IFNG-AS1: variants seen among roughly 807,000 people sequenced by gnomAD.
IFNG-AS1 encodes the protein IFNG antisense RNA 1 (non-protein coding).
At chr12:68,010,226 G>A (rs1407971510) in intron 3 of IFNG-AS1, among the ~76,000 whole-genome samples, 1 of 152,152 alleles carries the variant, frequency 6.6e-6, no homozygotes, top group African/African-American at 2.4e-5. Context: ...CCACTATTAA[G>A]GCACTGTCCA....
chr12:68,019,603 A>G lies in IFNG-AS1; in HGVS notation n.242-259A>G, dbSNP rs146450254. ...AGATAGTGTACATTGAACCCTAGAC[A>G]CCAGAGGGGCACCCACACTAGAGTA... On this transcript the variant is annotated intron_variant and non_coding_transcript_variant, in intron 3 of 5. Coordinates refer to ENST00000536914, the Ensembl canonical transcript of IFNG-AS1. 3.0e-4 allele frequency among the ~76,000 whole-genome samples: 46 copies of G among 152,244 alleles called. No individual in the cohort carries two copies. The East Asian group carries it at 3.9e-3, about 13-fold the overall frequency.
At chr12:68,019,176 A>G (rs560123858) in intron 3 of IFNG-AS1, among the ~76,000 whole-genome samples, 1 of 152,264 alleles carries the variant, frequency 6.6e-6, no homozygotes, top group South Asian at 2.1e-4. Context: ...TTTACAGCCA[A>G]GCAGATCTGG....
intron 1 of IFNG-AS1, among the ~76,000 whole-genome samples, chr12:67,990,253 A>C (rs1343495227): frequency 6.6e-6 from 1 of 152,246 alleles, no homozygotes; most frequent in Non-Finnish European, 1.5e-5. Context: ...TTGCTTATTA[A>C]ATTGACTTCT....
chr12:68,004,341 A>G (rs1328707147), intron 2 of IFNG-AS1, among the ~76,000 whole-genome samples: 2 of 152,116 alleles, frequency 1.3e-5, no homozygotes, highest in Non-Finnish European at 2.9e-5. Context: ...CTCTCTCCCC[A>G]GAGGATCTTC....
At chr12:68,016,937 C>A (rs1236791135) in intron 3 of IFNG-AS1, among the ~76,000 whole-genome samples, 1 of 152,188 alleles carries the variant, frequency 6.6e-6, no homozygotes, top group East Asian at 1.9e-4. Flanking sequence ...TAATCCCTAT[C>A]CTCATGGAAC....
intron 3 of IFNG-AS1, among the ~76,000 whole-genome samples, chr12:68,019,130 C>T (rs1231417168): frequency 6.6e-6 from 1 of 152,074 alleles, no homozygotes; most frequent in African/African-American, 2.4e-5. Flanking sequence ...CAAATGGACA[C>T]AACAGGAGGT....
At chr12:68,007,041 G>T (rs1329426189) in intron 3 of IFNG-AS1, among the ~76,000 whole-genome samples, 1 of 152,192 alleles carries the variant, frequency 6.6e-6, no homozygotes, top group Admixed American at 6.5e-5. Flanking sequence ...TCACATGGAA[G>T]AGTGCTTATC....
intron 3 of IFNG-AS1, among the ~76,000 whole-genome samples, chr12:68,015,995 G>C (rs1880145847): frequency 6.6e-6 from 1 of 151,916 alleles, no homozygotes; most frequent in African/African-American, 2.4e-5. Flanking sequence ...TCAAATTATT[G>C]TCTATCTCTC....
intron 3 of IFNG-AS1, among the ~76,000 whole-genome samples, chr12:68,019,206 T>C (rs1765601142): frequency 6.6e-6 from 1 of 152,172 alleles, no homozygotes; most frequent in Admixed American, 6.5e-5. Context: ...CTGACTCATT[T>C]ACTCTTTAGT....
intron 1 of IFNG-AS1, among the ~76,000 whole-genome samples, chr12:67,995,586 G>T (rs1879621289): frequency 6.6e-6 from 1 of 151,694 alleles, no homozygotes; most frequent in African/African-American, 2.4e-5. Flanking sequence ...GCCAGGCATG[G>T]TGTCATGTGC....
At chr12:68,015,608 T>A (rs1196355949) in intron 3 of IFNG-AS1, among the ~76,000 whole-genome samples, 1 of 152,126 alleles carries the variant, frequency 6.6e-6, no homozygotes. Context: ...ACCCACTACC[T>A]CACATATTGA....
At chr12:68,012,531 G>A (rs1453005820) in intron 3 of IFNG-AS1, among the ~76,000 whole-genome samples, 1 of 152,194 alleles carries the variant, frequency 6.6e-6, no homozygotes. Flanking sequence ...AGGAGCACGT[G>A]CAACCAGCTT....
intron 3 of IFNG-AS1, among the ~76,000 whole-genome samples, chr12:68,008,694 G>T (rs1217124808): frequency 6.6e-6 from 1 of 152,144 alleles, no homozygotes; most frequent in East Asian, 1.9e-4. Context: ...CCATATGCTA[G>T]GGTTTCATAG....
intron 3 of IFNG-AS1, among the ~76,000 whole-genome samples, chr12:68,013,075 T>C (rs535177453): frequency 6.5e-4 from 99 of 152,368 alleles, no homozygotes; most frequent in African/African-American, 2.4e-3. Flanking sequence ...CTTAGCTCAC[T>C]GCAATACAGA....
chr12:68,013,893 G>A (rs905466664), intron 3 of IFNG-AS1, among the ~76,000 whole-genome samples: 3 of 152,106 alleles, frequency 2.0e-5, no homozygotes, highest in East Asian at 1.9e-4. Flanking sequence ...CCCATCACCC[G>A]AGCAGTGTAC....
chr12:68,018,414 A>G (rs1170905589), intron 3 of IFNG-AS1, among the ~76,000 whole-genome samples: 1 of 152,186 alleles, frequency 6.6e-6, no homozygotes, highest in Non-Finnish European at 1.5e-5. Flanking sequence ...GCTTAATTAA[A>G]GTAGCCTGTG....
rs927356103 is a variant in IFNG-AS1 at position 68,002,267 on chromosome 12, C to T, written n.185-3823C>T. ...ACATGGTAGGTCATGGGGGGAGTGG[C>T]GAGAGAGCACACACGTGCATAGCAC... On this transcript the variant is annotated intron_variant and non_coding_transcript_variant, in intron 2 of 5. Coordinates refer to ENST00000536914, the Ensembl canonical transcript of IFNG-AS1. 3.9e-5 allele frequency among the ~76,000 whole-genome samples: 6 copies of T among 152,292 alleles called. No individual in the cohort carries two copies. In the East Asian group the frequency reaches 9.7e-4, roughly 25 times the overall value.
chr12:68,005,042 C>T (rs1457542596), intron 2 of IFNG-AS1, among the ~76,000 whole-genome samples: 3 of 152,176 alleles, frequency 2.0e-5, no homozygotes, highest in Non-Finnish European at 4.4e-5. Flanking sequence ...CTAAAGCAAT[C>T]ATGGTGGACA....
chr12:68,001,221 C>T (rs1262196697), intron 2 of IFNG-AS1, among the ~76,000 whole-genome samples: 1 of 152,176 alleles, frequency 6.6e-6, no homozygotes, highest in African/African-American at 2.4e-5. Flanking sequence ...CAAAAGTCCT[C>T]ACATACTTGT....
Sources: allele counts gnomAD v4.1 joint callset (sites outside exome capture counted in the v4.1 genomes callset), GRCh38; gene constraint gnomAD v4.1.1; transcripts MANE v1.5; gene names NCBI Gene and HGNC (gene_info 2026-07-23, HGNC 2026-07-21).